The following COL22A1 variants were observed in gnomAD, a reference collection of about 807,000 sequenced individuals.
The protein encoded by COL22A1 is collagen type XXII alpha 1 chain, also known as collagen alpha-1(XXII) chain.
In COL22A1, 221 loss-of-function variants were observed where a neutral mutation model predicts 248.9. The observed-to-expected ratio is 0.89, with a 90% CI of 0.80 to 0.99. The LOEUF is 0.99. COL22A1 is among the 50% of genes least tolerant of loss of function. The pLI is 0.00. For missense variants in COL22A1, 2,240 were observed against 2,179.0 expected, an observed-to-expected ratio of 1.03 and a Z score of -0.56; for synonymous variants, 891 against 793.4, an observed-to-expected ratio of 1.12 and a Z score of -2.07.
chr8:138,642,002 A>C (rs145335529), intron 47 of COL22A1, among the ~76,000 whole-genome samples: 190 of 152,350 alleles, frequency 1.2e-3, no homozygotes, highest in African/African-American at 4.3e-3. Context: ...CAAGAACCAC[A>C]ATAGACTGAG....
At chr8:138,765,174 T>C (rs2131415639) in intron 16 of COL22A1, among the ~76,000 whole-genome samples, 1 of 152,204 alleles carries the variant, frequency 6.6e-6, no homozygotes, top group South Asian at 2.1e-4. Context: ...CCCAGCTGGG[T>C]GTGCTGGCAC....
chr8:138,683,110 C>T (rs527806008), intron 39 of COL22A1, among the ~76,000 whole-genome samples: 4 of 152,314 alleles, frequency 2.6e-5, no homozygotes, highest in African/African-American at 9.6e-5. Context: ...CTGAGCTACC[C>T]TCTCTCCTAG....
Position 138,676,550 on chromosome 8 carries a change from A to T in COL22A1, c.3150+8T>A. The T allele has an allele frequency of 6.4e-7, 1 of 1,555,284 alleles. No individual in the cohort carries two copies. Among genetic ancestry groups the T allele is most frequent in the East Asian group, 2.4e-5 (1 of 42,106 alleles). On this transcript the variant is annotated splice_region_variant and intron_variant, in intron 41 of 64. Transcript: ENST00000303045. ...AAGCAAGTAAGAGCTGGATAAATAAAGACTTACAGGAGGGCCAGCAACCCC... is the reference window on the plus strand; with the variant it reads ...AAGCAAGTAAGAGCTGGATAAATAATGACTTACAGGAGGGCCAGCAACCCC...
chr8:138,692,261 T>C (rs1230979293), intron 35 of COL22A1, among the ~76,000 whole-genome samples: 1 of 44,190 alleles, frequency 2.3e-5, no homozygotes, highest in Non-Finnish European at 6.4e-5. Context: ...TGTGTGCGTG[T>C]GTGCATGTTT....
intron 45 of COL22A1, among the ~76,000 whole-genome samples, chr8:138,652,747 T>TTTTTTTTG (rs1564146931): frequency 1.9e-5 from 2 of 104,508 alleles, no homozygotes; most frequent in Non-Finnish European, 4.0e-5. Flanking sequence ...TTTTTTTTTT[T>TTTTTTTTG]TTTTTTTTTT....
In COL22A1 at chr8:138,649,727, C is replaced by A; in HGVS notation, c.3385G>T (p.Gly1129Cys). The part of the protein sequence containing the change: ...PGPPGLPGLP[G>C]FKGDKGVPGK... Reference sequence around the variant, plus strand: ...GGGACACCTTTGTCCCCTTTAAAACCTGGTAGACCAGGGAGGCCTGGGGGG... The same window carrying A: ...GGGACACCTTTGTCCCCTTTAAAACATGGTAGACCAGGGAGGCCTGGGGGG... The change falls in exon 46 of 65, where the codon GGT becomes TGT. Residue 1129 changes from glycine to cysteine, a missense_variant. Coordinates refer to ENST00000303045, the MANE Select transcript of COL22A1 (RefSeq NM_152888.3). 1 of 1,611,740 alleles carries A rather than the reference C, an allele frequency of 6.2e-7. No homozygotes were observed. The highest frequency in any genetic ancestry group is 8.5e-7 in the Non-Finnish European group (1 of 1,179,010).
intron 4 of COL22A1, among the ~76,000 whole-genome samples, chr8:138,833,373 C>T (rs1360552665): frequency 2.6e-5 from 4 of 152,228 alleles, no homozygotes; most frequent in Non-Finnish European, 5.9e-5. Flanking sequence ...CAGGAGAACA[C>T]AGACAACTGG....
intron 30 of COL22A1, among the ~76,000 whole-genome samples, chr8:138,708,945 A>G (rs1828712024): frequency 6.6e-6 from 1 of 152,224 alleles, no homozygotes; most frequent in Non-Finnish European, 1.5e-5. Flanking sequence ...TTACAAGAAA[A>G]AAATCAAAAA....
At chr8:138,591,252 G>GT (rs1470577477) in intron 64 of COL22A1, among the ~76,000 whole-genome samples, 172 bp downstream of exon 64, 2 of 152,054 alleles carry the variant, frequency 1.3e-5, no homozygotes, top group East Asian at 3.9e-4. Flanking sequence ...CAAGAAGGTC[G>GT]TATTTTAGAA....
intron 22 of COL22A1, among the ~76,000 whole-genome samples, chr8:138,745,759 C>T (rs1042454806): frequency 1.3e-5 from 2 of 152,114 alleles, no homozygotes; most frequent in Non-Finnish European, 2.9e-5. Context: ...AAGTGAGCCT[C>T]CTGGAAGCTC....
rs267601791 is a variant in COL22A1 at position 138,690,868 on chromosome 8, G to A, written c.2761C>T (p.Pro921Ser). The change falls in exon 36 of 65, where the codon CCC becomes TCC. Residue 921 changes from proline (P) to serine (S), a missense_variant. Transcript: ENST00000303045. The stretch of plus-strand genomic sequence containing the variant: ...GGACCGGGGGCACCGACATGTCCGG[G>A]AGCACCCTGTTCAGAGACAGAAGTT... ...APGAAGNPGA[P>S]GHVGAPGPSG... 1 of 1,609,832 alleles carries A rather than the reference G, an allele frequency of 6.2e-7. No individual in the cohort carries two copies. Among genetic ancestry groups the A allele is most frequent in the Non-Finnish European group, 8.5e-7 (1 of 1,178,204 alleles).
intron 59 of COL22A1, 99 bp from the exon 60 acceptor site, chr8:138,602,258 G>T: frequency 7.2e-7 from 1 of 1,387,092 alleles, no homozygotes; most frequent in East Asian, 2.3e-5. Flanking sequence ...CTGAGGACAA[G>T]GGACCCTCAA....
chr8:138,601,243 G>GCCA (rs1307711723), intron 60 of COL22A1, among the ~76,000 whole-genome samples: 1 of 152,012 alleles, frequency 6.6e-6, no homozygotes, highest in Non-Finnish European at 1.5e-5. Flanking sequence ...GGAACCAACA[G>GCCA]CCACGGGATA....
At position 138,596,884 on chromosome 8, in the gene COL22A1, A is replaced by G. The variant is rs1817579210; in HGVS notation, c.4432+20T>C. 3.7e-6 allele frequency: 6 copies of G among 1,612,158 alleles called. No homozygotes were observed. Among genetic ancestry groups the G allele is most frequent in the Non-Finnish European group, 5.1e-6 (6 of 1,178,420 alleles). ...CCTGGGCTCTTCTCTGCAAGACCGT[A>G]ACACAGTCCAGATACTCACTTTCAA... On this transcript the variant is annotated intron_variant, in intron 62 of 64. Transcript: ENST00000303045.
intron 7 of COL22A1, among the ~76,000 whole-genome samples, chr8:138,814,976 G>A (rs183130400): frequency 3.0e-4 from 45 of 152,296 alleles, no homozygotes; most frequent in African/African-American, 1.1e-3. Context: ...GTGGGGCCAG[G>A]TGGAGATAAT....
At chr8:138,613,042 A>G (rs1286445423) in intron 56 of COL22A1, among the ~76,000 whole-genome samples, 1 of 151,212 alleles carries the variant, frequency 6.6e-6, no homozygotes, top group Non-Finnish European at 1.5e-5. Flanking sequence ...AGGTCAGGAG[A>G]TAGAGACCAT....
At chr8:138,723,049 G>A (rs1464517710) in intron 25 of COL22A1, among the ~76,000 whole-genome samples, 2 of 144,668 alleles carry the variant, frequency 1.4e-5, no homozygotes, top group Non-Finnish European at 3.1e-5. Context: ...ACGTACCCTG[G>A]AACTTAAAAG....
intron 1 of COL22A1, among the ~76,000 whole-genome samples, chr8:138,890,220 A>G (rs1824956063): frequency 1.3e-5 from 2 of 152,150 alleles, no homozygotes; most frequent in Non-Finnish European, 2.9e-5. Context: ...ATAAGACTAT[A>G]AAAAAACTTC....
At chr8:138,706,653 T>C (rs1828480529) in intron 30 of COL22A1, among the ~76,000 whole-genome samples, 1 of 152,088 alleles carries the variant, frequency 6.6e-6, no homozygotes, top group Non-Finnish European at 1.5e-5. Context: ...TAAAGGGAAA[T>C]TTATAGCACT....
Sources: allele counts gnomAD v4.1 joint callset (sites outside exome capture counted in the v4.1 genomes callset), GRCh38; gene constraint gnomAD v4.1.1; transcripts MANE v1.5; gene names NCBI Gene and HGNC (gene_info 2026-07-23, HGNC 2026-07-21).